The following PLCE1 variants were observed in gnomAD, a reference collection of about 807,000 sequenced individuals.
The protein encoded by PLCE1 is 1-phosphatidylinositol 4,5-bisphosphate phosphodiesterase epsilon-1.
In PLCE1, 119 loss-of-function variants were observed where a neutral mutation model predicts 242.8. The observed-to-expected ratio is 0.49, with a 90% CI of 0.42 to 0.57. The LOEUF is 0.57. PLCE1 is among the 20% of genes least tolerant of loss of function. The probability of loss-of-function intolerance (pLI) is 0.00; values close to 1 mark genes in which losing one functional copy is unlikely to be tolerated. For synonymous variants in PLCE1, 945 were observed against 1,017.4 expected (o/e 0.93, Z 1.35); for missense variants, 2,441 against 2,788.8 (o/e 0.88, Z 2.81).
In PLCE1 at chr10:94,239,884, G is replaced by C. The variant is rs2050445433; in HGVS notation, c.2420+3764G>C. Among the ~76,000 whole-genome samples, 5 of 152,276 alleles carry C rather than the reference G, an allele frequency of 3.3e-5. No individual in the cohort carries two copies. In the South Asian group the frequency reaches 8.3e-4, roughly 25 times the overall value. ...TAGGAAATCAGTTATTCTCCACAGG[G>C]AAGGATGCAGACAGGCCTCAACCTT... On this transcript the variant is annotated intron_variant, in intron 7 of 32. Coordinates refer to ENST00000371380, the MANE Select transcript of PLCE1 (RefSeq NM_016341.4).
rs142921913 is a variant in PLCE1 at position 94,204,829 on chromosome 10, A to T, written c.1810-22477A>T. Among the ~76,000 whole-genome samples the T allele has an allele frequency of 4.2e-3, 632 of 152,008 alleles. 6 individuals are homozygous for T. The highest frequency in any genetic ancestry group is 0.014 in the African/African-American group (598 of 41,412). ...AAAATAATGTGTGCTGTAGAAAATGATGGTGTCTTCAAGAGCAGTTTTGAG... is the reference window on the plus strand; with the variant it reads ...AAAATAATGTGTGCTGTAGAAAATGTTGGTGTCTTCAAGAGCAGTTTTGAG... On this transcript the variant is annotated intron_variant, in intron 4 of 32. Transcript: ENST00000371380.
intron 7 of PLCE1, among the ~76,000 whole-genome samples, chr10:94,240,863 C>G (rs1397639590): frequency 6.6e-6 from 1 of 152,146 alleles, no homozygotes; most frequent in South Asian, 2.1e-4. Flanking sequence ...AAGATAGTTT[C>G]TTTGCTGGTA....
chr10:94,325,793 C>A (rs559234028), intron 32 of PLCE1: 1 of 152,088 alleles, frequency 6.6e-6, no homozygotes, highest in Non-Finnish European at 1.5e-5. Flanking sequence ...TTCAAGGGCT[C>A]TATGGATCAT....
At chr10:94,293,279 T>C (rs1224545825) in intron 22 of PLCE1, among the ~76,000 whole-genome samples, 2 of 152,222 alleles carry the variant, frequency 1.3e-5, no homozygotes, top group South Asian at 2.1e-4. Context: ...TTTGTGGTCA[T>C]TCTGTGATAA....
At chr10:94,274,871 T>C (rs2051886267) in intron 19 of PLCE1, among the ~76,000 whole-genome samples, 1 of 152,154 alleles carries the variant, frequency 6.6e-6, no homozygotes, top group African/African-American at 2.4e-5. Context: ...TACAAAGTTA[T>C]TTAAATGTTA....
chr10:94,234,380 T>C, intron 6 of PLCE1, 68 bp downstream of exon 6: 1 of 1,502,818 alleles, frequency 6.7e-7, no homozygotes, highest in Non-Finnish European at 9.2e-7. Flanking sequence ...AGGCCCTGTC[T>C]GTGCTCACCA....
chr10:94,141,486 G>C (rs2046952467), intron 3 of PLCE1, among the ~76,000 whole-genome samples: 1 of 151,156 alleles, frequency 6.6e-6, no homozygotes, highest in South Asian at 2.1e-4. Context: ...GAAGGAGAAG[G>C]GAAGGTGAAG....
chr10:94,251,391 C>G (rs2050868826), intron 8 of PLCE1, among the ~76,000 whole-genome samples: 1 of 152,154 alleles, frequency 6.6e-6, no homozygotes, highest in Non-Finnish European at 1.5e-5. Context: ...ATATGATCTG[C>G]AACAAAGCAA....
chr10:94,331,752 T>C lies in PLCE1; in HGVS notation c.*3809T>C, dbSNP rs1014522440. On this transcript the variant is annotated 3_prime_UTR_variant, in exon 33 of 33. Coordinates refer to ENST00000371380, the MANE Select transcript of PLCE1 (RefSeq NM_016341.4). The stretch of plus-strand genomic sequence containing the variant: ...ATAATTTATGTGTTCTCTGCCATCC[T>C]TATGTAGCAGCTTCCTAAAAGCAAT... 1 of 152,220 alleles carries C rather than the reference T, an allele frequency of 6.6e-6. No individual in the cohort carries two copies. The highest frequency in any genetic ancestry group is 2.4e-5 in the African/African-American group (1 of 41,450). 9.4% of individuals were successfully genotyped at this position (152,220 alleles called of 1,614,324 possible). A position where few individuals can be genotyped will look rare whatever the true frequency, so the allele number is the denominator to read the frequency against.
At chr10:94,035,334 C>T (rs941521868) in intron 2 of PLCE1, among the ~76,000 whole-genome samples, 1 of 152,186 alleles carries the variant, frequency 6.6e-6, no homozygotes, top group Admixed American at 6.5e-5. Context: ...CCTATACCCT[C>T]CTCCAGTTTC....
chr10:94,099,677 G>A lies in PLCE1; in HGVS notation c.1207-32497G>A, dbSNP rs189252449. 472 of 152,240 alleles carry A rather than the reference G, an allele frequency of 3.1e-3. 1 individual carries two copies. The highest frequency in any genetic ancestry group is 0.011 in the African/African-American group (442 of 41,542). 9.4% of individuals were successfully genotyped at this position (152,240 alleles called of 1,614,324 possible). A position where few individuals can be genotyped will look rare whatever the true frequency, so the allele number is the denominator to read the frequency against. On this transcript the variant is annotated intron_variant, in intron 2 of 32. Transcript: ENST00000371380. ...TTTTCATGGTTGTTATTATATCAAT[G>A]GTTGAACAAGTCTGTAAAACATGAA...
At chr10:94,051,659 G>A (rs1391564657) in intron 2 of PLCE1, among the ~76,000 whole-genome samples, 1 of 152,114 alleles carries the variant, frequency 6.6e-6, no homozygotes, top group Non-Finnish European at 1.5e-5. Context: ...TAGTAAAATA[G>A]GCCTGGATTC....
At chr10:94,228,895 G>A (rs997924381) in intron 5 of PLCE1, among the ~76,000 whole-genome samples, 5 of 152,090 alleles carry the variant, frequency 3.3e-5, no homozygotes, top group African/African-American at 9.7e-5. Context: ...TAAAGAAAAC[G>A]TGTAGGCCGG....
chr10:94,231,811 C>T (rs761454733), intron 5 of PLCE1, among the ~76,000 whole-genome samples: 19 of 152,094 alleles, frequency 1.2e-4, no homozygotes, highest in Non-Finnish European at 1.8e-4. Flanking sequence ...GTAGGGTTTG[C>T]GCTGCTATGA....
At chr10:94,043,073 T>C (rs2134660119) in intron 2 of PLCE1, among the ~76,000 whole-genome samples, 1 of 152,304 alleles carries the variant, frequency 6.6e-6, no homozygotes, top group Non-Finnish European at 1.5e-5. Context: ...TGTGAGGCGG[T>C]AGGAAAAAGA....
chr10:94,184,020 G>T (rs1369159380), intron 4 of PLCE1, among the ~76,000 whole-genome samples: 1 of 152,144 alleles, frequency 6.6e-6, no homozygotes, highest in Non-Finnish European at 1.5e-5. Context: ...CCAAACCATA[G>T]CATAAACTAT....
chr10:94,212,093 A>T (rs557994138), intron 4 of PLCE1, among the ~76,000 whole-genome samples: 1 of 152,240 alleles, frequency 6.6e-6, no homozygotes, highest in Middle Eastern at 3.4e-3. Context: ...TTGTTTATTT[A>T]TTTAGGAGAC....
intron 8 of PLCE1, among the ~76,000 whole-genome samples, chr10:94,251,106 A>G (rs1047736301): frequency 1.3e-5 from 2 of 152,222 alleles, no homozygotes; most frequent in Non-Finnish European, 2.9e-5. Flanking sequence ...TGACACACCC[A>G]TCGAGACTAT....
Position 94,324,386 on chromosome 10 carries a change from GCAACCC to G in PLCE1, c.6543_6548del (p.Asn2183_Pro2184del). 1 of 1,614,152 alleles carries G rather than the reference GCAACCC, an allele frequency of 6.2e-7. No homozygotes were observed. Among genetic ancestry groups the G allele is most frequent in the Non-Finnish European group, 8.5e-7 (1 of 1,180,022 alleles). ...GCCAAATATTCCTACAGCATCCTGA[GCAACCC>G]CAATCCAAGCGACTATGTGCTTTTG... is the stretch of plus-strand genomic sequence containing the variant. On this transcript the variant is annotated inframe_deletion, in exon 31 of 33. Coordinates refer to ENST00000371380, the MANE Select transcript of PLCE1 (RefSeq NM_016341.4).
Sources: gnomAD v4.1 joint callset for allele counts (sites outside exome capture counted in the v4.1 genomes callset) on GRCh38, gnomAD v4.1.1 for gene constraint, MANE v1.5 for transcripts, NCBI Gene and HGNC (gene_info 2026-07-23, HGNC 2026-07-21) for gene names.